Variants in PHACTR2 observed in about 807,000 individuals in gnomAD.
PHACTR2 encodes the protein chromosome 6 open reading frame 56.
PHACTR2 carries 30 observed loss-of-function variants against 76.0 expected under a neutral mutation model. That is an observed-to-expected ratio of 0.39 (90% CI 0.30 to 0.54). The LOEUF is 0.54. Ranked by LOEUF, PHACTR2 falls within the 20% of genes least tolerant of loss-of-function variation. The pLI is 0.61. For synonymous variants in PHACTR2, 292 were observed against 292.5 expected, an observed-to-expected ratio of 1.00 and a Z score of 0.02; for missense variants, 696 against 781.1, an observed-to-expected ratio of 0.89 and a Z score of 1.30.
At chr6:143,724,323 G>A (rs1778509398) in intron 2 of PHACTR2, among the ~76,000 whole-genome samples, 1 of 151,934 alleles carries the variant, frequency 6.6e-6, no homozygotes, top group African/African-American at 2.4e-5. Flanking sequence ...TAGTAGAGAC[G>A]GGGTTTCACT....
At chr6:143,538,239 G>A (rs1422933471) in intron 1 of PHACTR2, among the ~76,000 whole-genome samples, 1 of 152,196 alleles carries the variant, frequency 6.6e-6, no homozygotes, top group Non-Finnish European at 1.5e-5. Context: ...CGATGCTGCC[G>A]GCCGAGTTGT....
At chr6:143,748,214 C>A (rs761736721) in intron 2 of PHACTR2, among the ~76,000 whole-genome samples, 5 of 152,152 alleles carry the variant, frequency 3.3e-5, no homozygotes, top group Non-Finnish European at 5.9e-5. Context: ...TACAGGTGCC[C>A]ACCACCATGA....
chr6:143,611,955 C>T lies in PHACTR2; in HGVS notation c.13+3633C>T, dbSNP rs142809699. The stretch of plus-strand genomic sequence containing the variant: ...GTCAAAGGAGACCCTGGAGGTTTCC[C>T]GTTAGAGAATTTAAGACAGTAGTCC... On this transcript the variant is annotated intron_variant, in intron 1 of 11. Coordinates refer to the PHACTR2 transcript ENST00000305766. The surrounding 1 kb of genome is among the most constrained non-coding windows in gnomAD (Gnocchi z 4.4). Among the ~76,000 whole-genome samples the T allele has an allele frequency of 3.9e-5, 6 of 152,156 alleles. No homozygotes were observed. In the East Asian group the frequency reaches 5.8e-4, roughly 15 times the overall value.
chr6:143,790,049 G>A (rs929957537), intron 11 of PHACTR2, among the ~76,000 whole-genome samples: 29 of 152,260 alleles, frequency 1.9e-4, no homozygotes, highest in African/African-American at 6.3e-4. Context: ...GAGGACGGAC[G>A]GCCACATGTG....
rs1776078705 is a variant in PHACTR2, at chr6:143,806,952, A to C, written c.1846-105A>C. On this transcript the variant is annotated intron_variant, in intron 11 of 12. Coordinates refer to ENST00000440869, the MANE Select transcript of PHACTR2 (RefSeq NM_001100164.2). The surrounding 1 kb of genome is among the most constrained non-coding windows in gnomAD (Gnocchi z 5.8). ...AGCTTGGATGACAGAGCGAGACTCT[A>C]TCTCTTAAAAAAAAAAAAAAGGTCT... is the stretch of plus-strand genomic sequence containing the variant. The C allele has an allele frequency of 5.0e-6, 3 of 595,228 alleles. No homozygotes were observed. Among genetic ancestry groups the C allele is most frequent in the Non-Finnish European group, 8.9e-6 (3 of 337,294 alleles). 36.9% of individuals were successfully genotyped at this position (595,228 alleles called of 1,614,324 possible).
At chr6:143,691,486 C>A (rs1344969910) in intron 1 of PHACTR2, among the ~76,000 whole-genome samples, 1 of 144,832 alleles carries the variant, frequency 6.9e-6, no homozygotes, top group African/African-American at 2.8e-5. Context: ...AATATTATTG[C>A]CAGAAACCTG....
chr6:143,686,297 T>C (rs1171032366), intron 1 of PHACTR2, among the ~76,000 whole-genome samples: 2 of 152,094 alleles, frequency 1.3e-5, no homozygotes, highest in African/African-American at 2.4e-5. Context: ...GTTGAATTGA[T>C]TGAGATAGAC....
upstream of PHACTR2, among the ~76,000 whole-genome samples, chr6:143,676,995 T>C: frequency 6.8e-6 from 1 of 146,866 alleles, no homozygotes; most frequent in South Asian, 2.1e-4. The surrounding 1 kb of genome is among the most constrained non-coding windows in gnomAD (Gnocchi z 4.8). Flanking sequence ...TAGTTCAGAG[T>C]TGATTGTCTA....
chr6:143,719,349 CTTTTT>C (rs34643788), intron 2 of PHACTR2, among the ~76,000 whole-genome samples: 1 of 86,900 alleles, frequency 1.2e-5, no homozygotes, highest in Non-Finnish European at 2.2e-5. Context: ...TTCGACACTT[CTTTTT>C]TTTTTTTTTT....
chr6:143,656,470 T>C lies in PHACTR2; in HGVS notation c.13+48148T>C, dbSNP rs1370614234. Among the ~76,000 whole-genome samples the C allele has an allele frequency of 2.0e-5, 3 of 152,090 alleles. No individual in the cohort carries two copies. The highest frequency in any genetic ancestry group is 4.4e-5 in the Non-Finnish European group (3 of 68,020). On this transcript the variant is annotated intron_variant, in intron 1 of 11. Coordinates refer to the PHACTR2 transcript ENST00000305766. This position sits in a 1 kb window ranked among gnomAD's most constrained non-coding sequence, Gnocchi z 5.3. ...AACATCTCATAGTGTTTTAAGAAAG[T>C]TTACGTATTTGTTTTGGGCTGCATT...
Position 143,549,799 on chromosome 6 carries a change from T to C in PHACTR2, c.217+12592T>C, listed in dbSNP as rs962226625. Reference sequence around the variant, plus strand: ...GTTCATGTTTGCAGGCCCTCACCTGTGTTAAAGTCATGCTTAGGAGTGGGG... The same window carrying C: ...GTTCATGTTTGCAGGCCCTCACCTGCGTTAAAGTCATGCTTAGGAGTGGGG... On this transcript the variant is annotated intron_variant, in intron 1 of 11. Transcript: ENST00000367584. This position sits in a 1 kb window ranked among gnomAD's most constrained non-coding sequence, Gnocchi z 4.2. Among the ~76,000 whole-genome samples, 4 of 151,852 alleles carry C rather than the reference T, an allele frequency of 2.6e-5. No homozygotes were observed. The highest frequency in any genetic ancestry group is 4.4e-5 in the Non-Finnish European group (3 of 67,920).
chr6:143,820,171 A>G lies in PHACTR2; in HGVS notation c.1923-3503A>G, dbSNP rs1361454810. Among the ~76,000 whole-genome samples the G allele has an allele frequency of 6.6e-6, 1 of 152,164 alleles. No individual in the cohort carries two copies. The highest frequency in any genetic ancestry group is 1.5e-5 in the Non-Finnish European group (1 of 68,032). Reference sequence around the variant, plus strand: ...CCCCACCTCCAGCATTGGGGATTATATTCCAACATGAGATTTGGCAGGGAC... The same window carrying G: ...CCCCACCTCCAGCATTGGGGATTATGTTCCAACATGAGATTTGGCAGGGAC... On this transcript the variant is annotated intron_variant, in intron 12 of 12. Transcript: ENST00000440869. This position sits in a 1 kb window ranked among gnomAD's most constrained non-coding sequence, Gnocchi z 4.2.
intron 2 of PHACTR2, among the ~76,000 whole-genome samples, chr6:143,746,043 G>A (rs1276577286): frequency 6.6e-6 from 1 of 152,210 alleles, no homozygotes; most frequent in Non-Finnish European, 1.5e-5. Context: ...ATAATGGAAA[G>A]GCAGAATAAG....
Position 143,789,962 on chromosome 6 carries a change from A to C in PHACTR2, c.1845+1052A>C, listed in dbSNP as rs1206720114. 3.3e-5 allele frequency among the ~76,000 whole-genome samples: 5 copies of C among 152,226 alleles called. No homozygotes were observed. Among genetic ancestry groups the C allele is most frequent in the Non-Finnish European group, 7.3e-5 (5 of 68,034 alleles). Reference sequence around the variant, plus strand: ...TGTTTTAGGAAGAAGCAGCAGAAGAATATTGAGAAGAAATGTCCGTGAAGT... The same window carrying C: ...TGTTTTAGGAAGAAGCAGCAGAAGACTATTGAGAAGAAATGTCCGTGAAGT... On this transcript the variant is annotated intron_variant, in intron 11 of 12. Coordinates refer to ENST00000440869, the MANE Select transcript of PHACTR2 (RefSeq NM_001100164.2). The surrounding 1 kb of genome is among the most constrained non-coding windows in gnomAD (Gnocchi z 5.1).
chr6:143,681,131 G>T (rs1164030584), intron 1 of PHACTR2, among the ~76,000 whole-genome samples: 2 of 152,140 alleles, frequency 1.3e-5, no homozygotes, highest in African/African-American at 4.8e-5. Context: ...TAGTGGAATT[G>T]CTAGATTATA....
At position 143,546,189 on chromosome 6, in the gene PHACTR2, TTGCAGCAGCG is replaced by T. The variant is rs1774994151; in HGVS notation, c.217+8986_217+8995del. The stretch of plus-strand genomic sequence containing the variant: ...GCTGAAATTTGCACAGAGAAGTAGG[TTGCAGCAGCG>T]TGCCTTAGAAAGATTTCTGAGCTCT... On this transcript the variant is annotated intron_variant, in intron 1 of 11. Coordinates refer to the PHACTR2 transcript ENST00000367584. This position sits in a 1 kb window ranked among gnomAD's most constrained non-coding sequence, Gnocchi z 4.9. Among the ~76,000 whole-genome samples the T allele has an allele frequency of 6.6e-6, 1 of 152,186 alleles. No individual in the cohort carries two copies. Among genetic ancestry groups the T allele is most frequent in the Non-Finnish European group, 1.5e-5 (1 of 68,022 alleles).
intron 1 of PHACTR2, among the ~76,000 whole-genome samples, chr6:143,545,645 C>T (rs1318922506): frequency 1.3e-5 from 2 of 152,130 alleles, no homozygotes; most frequent in African/African-American, 4.8e-5. Context: ...AGGAATAGAA[C>T]CAAGACTCAA....
At position 143,697,572 on chromosome 6, in the gene PHACTR2, A is replaced by C. The variant is rs6925808; in HGVS notation, c.47-14444A>C. On this transcript the variant is annotated intron_variant, in intron 1 of 12. Transcript: ENST00000440869. The surrounding 1 kb of genome is among the most constrained non-coding windows in gnomAD (Gnocchi z 4.4). ...TGCTTACCTGAAAACTGTGTCAGCAATGTCTGTACCATTCTTATGAGTGTT... is the reference window on the plus strand; with the variant it reads ...TGCTTACCTGAAAACTGTGTCAGCACTGTCTGTACCATTCTTATGAGTGTT... Among the ~76,000 whole-genome samples the C allele has an allele frequency of 3.1e-3, 465 of 152,344 alleles. 6 individuals carry two copies. The highest frequency in any genetic ancestry group is 0.011 in the African/African-American group (449 of 41,586).
At chr6:143,797,882 C>T (rs1775862823) in intron 11 of PHACTR2, among the ~76,000 whole-genome samples, 1 of 152,128 alleles carries the variant, frequency 6.6e-6, no homozygotes, top group Admixed American at 6.6e-5. Flanking sequence ...GATATGCGAG[C>T]TCTTTTTTGG....
Sources: allele counts gnomAD v4.1 joint callset (sites outside exome capture counted in the v4.1 genomes callset), GRCh38; gene constraint gnomAD v4.1.1; non-coding constraint Gnocchi (gnomAD v3.1); transcripts MANE v1.5; gene names NCBI Gene and HGNC (gene_info 2026-07-23, HGNC 2026-07-21).